The following HUWE1 variants were observed in gnomAD, a reference collection of about 807,000 sequenced individuals.
HUWE1 encodes E3 ubiquitin-protein ligase HUWE1.
In HUWE1, 18 loss-of-function variants were observed where a neutral mutation model predicts 299.4. The ratio of observed to expected loss-of-function variants is 0.06; its 90% CI spans 0.04 to 0.09. The LOEUF (loss-of-function observed/expected upper bound fraction) is 0.09, where lower values mean the gene tolerates loss of function less well. Ranked by LOEUF, HUWE1 falls within the 10% of genes least tolerant of loss-of-function variation. HUWE1 has a pLI of 1.00. For missense variants in HUWE1, 1,832 were observed against 3,462.3 expected (o/e 0.53, Z 11.82); for synonymous variants, 1,317 against 1,286.1 (o/e 1.02, Z -0.51).
intron 75 of HUWE1, 61 bp downstream of exon 75, chrX:53,539,596 G>A (rs1807136417): frequency 8.9e-7 from 1 of 1,122,692 alleles, no homozygotes; most frequent in Admixed American, 2.2e-5. Context: ...AAACAAGCTG[G>A]CAGGAAGGGC....
At chrX:53,589,934 C>T (rs1357407269) in intron 35 of HUWE1, 118 bp from the exon 36 acceptor site, 16 of 778,528 alleles carry the variant, frequency 2.1e-5, no homozygotes, top group Admixed American at 1.3e-4. Context: ...TCTCCTCAAG[C>T]GGTTGATACT....
At chrX:53,608,268 C>A (rs782452582) in intron 24 of HUWE1, among the ~76,000 whole-genome samples, 1 of 111,545 alleles carries the variant, frequency 9.0e-6, no homozygotes, top group Non-Finnish European at 1.9e-5. Flanking sequence ...GAGGTCTCTC[C>A]CTTATTGGTA....
At position 53,646,536 on chromosome X, in the gene HUWE1, T is replaced by C. The variant is rs183888438; in HGVS notation, c.351+832A>G. Among the ~76,000 whole-genome samples, 6 of 111,884 alleles carry C rather than the reference T, an allele frequency of 5.4e-5. No individual in the cohort carries two copies. In the East Asian group the frequency reaches 1.7e-3, roughly 31 times the overall value. ...TCAGAATTAAAATCAGTATGTAATA[T>C]AGCTAGAAATGAACCAAGGCATTTC... On this transcript the variant is annotated intron_variant, in intron 6 of 83. Coordinates refer to ENST00000262854, the MANE Select transcript of HUWE1 (RefSeq NM_031407.7).
intron 12 of HUWE1, among the ~76,000 whole-genome samples, chrX:53,630,250 A>G (rs1457279034): frequency 8.9e-6 from 1 of 112,443 alleles, no homozygotes; most frequent in East Asian, 2.8e-4. Context: ...TTTCACGCCA[A>G]GAAACTCATA....
At chrX:53,632,785 G>C (rs1210863458) in intron 8 of HUWE1, among the ~76,000 whole-genome samples, 3 of 112,058 alleles carry the variant, frequency 2.7e-5, no homozygotes, top group African/African-American at 9.7e-5. Flanking sequence ...AGAGCCCAGA[G>C]CTCCCAAACC....
At chrX:53,645,184 T>C in intron 7 of HUWE1, 127 bp downstream of exon 7, 1 of 673,074 alleles carries the variant, frequency 1.5e-6, no homozygotes, top group African/African-American at 2.1e-5. Context: ...CCAATAGTTC[T>C]AACTCAATTA....
At chrX:53,616,436 A>C (rs1392357968) in intron 21 of HUWE1, among the ~76,000 whole-genome samples, 1 of 112,057 alleles carries the variant, frequency 8.9e-6, no homozygotes, top group Non-Finnish European at 1.9e-5. Flanking sequence ...AAAGATGTAC[A>C]AACCATTAAC....
chrX:53,612,665 A>C, intron 23 of HUWE1, among the ~76,000 whole-genome samples: 2 of 112,099 alleles, frequency 1.8e-5, no homozygotes, highest in Middle Eastern at 9.2e-3. Context: ...TTGGGAGAAC[A>C]CAAGATTGAG....
rs782647674 is a variant in HUWE1, at chrX:53,562,210, C to T, written c.7239G>A (p.Glu2413=). The T allele has an allele frequency of 1.7e-6, 2 of 1,201,868 alleles. No homozygotes were observed. The highest frequency in any genetic ancestry group is 3.5e-5 in the African/African-American group (2 of 56,963). The change falls in exon 54 of 84, where the codon GAG becomes GAA. Residue 2413 remains glutamate, a synonymous_variant. Transcript: ENST00000262854. The stretch of plus-strand genomic sequence containing the variant: ...TGCTGTCCTCTTCCTGAGTGTGCTC[C>T]TCCTCATCCTCAGGGTCCAGGATAT... ...SMNILDPEDE[E]EHTQEEDSSG...
chrX:53,659,084 A>G (rs782535629), intron 3 of HUWE1, among the ~76,000 whole-genome samples: 1 of 112,987 alleles, frequency 8.9e-6, no homozygotes, highest in Non-Finnish European at 1.9e-5. Flanking sequence ...CAAGTGGAAC[A>G]TTCATTCATT....
chrX:53,592,761 G>A, intron 32 of HUWE1, 133 bp from the exon 33 acceptor site: 1 of 513,044 alleles, frequency 1.9e-6, no homozygotes, highest in Non-Finnish European at 3.4e-6. Flanking sequence ...AACATGAGGA[G>A]GTCTAAGGAG....
In HUWE1 at chrX:53,563,748, A is replaced by G. The variant is rs1386685480; in HGVS notation, c.7103T>C (p.Ile2368Thr). 1.7e-6 allele frequency: 2 copies of G among 1,210,903 alleles called. No homozygotes were observed. The highest frequency in any genetic ancestry group is 2.2e-6 in the Non-Finnish European group (2 of 895,100). ...ATACTCAGTTCTGGGGCTCTCACCT[A>G]TAATTGTACTGTTCCCAGATCCGCC... Reference protein sequence around the residue: ...RDGGSGNSTIIVSRSGEDESQ... With the variant: ...RDGGSGNSTITVSRSGEDESQ... Residue 2368 changes from isoleucine to threonine, a missense_variant and splice_region_variant, in exon 52 of 84, where the codon ATA becomes ACA. By Grantham distance (89) the Ile-to-Thr change is moderately conservative. This residue lies in a region of HUWE1 where 170 missense variants were observed against 335.8 expected (regional missense o/e 0.51). Transcript: ENST00000262854.
rs184393650 is a variant in HUWE1 at position 53,556,750 on chromosome X, A to G, written c.8206+632T>C. On this transcript the variant is annotated intron_variant, in intron 60 of 83. Transcript: ENST00000262854. ...GGACCAATAAAATTTAATTAAAAAA[A>G]GAACAAAAAGTAGAGACTAATGTAG... is the stretch of plus-strand genomic sequence containing the variant. Among the ~76,000 whole-genome samples the G allele has an allele frequency of 3.2e-4, 36 of 112,288 alleles. No individual in the cohort carries two copies. In the East Asian group the frequency reaches 3.3e-3, roughly 10 times the overall value.
At position 53,604,769 on chromosome X, in the gene HUWE1, G is replaced by A; in HGVS notation, c.2562C>T (p.Ser854=). The A allele has an allele frequency of 1.7e-6, 2 of 1,210,437 alleles. No individual in the cohort carries two copies. The highest frequency in any genetic ancestry group is 5.9e-5 in the East Asian group (2 of 33,853). Residue 854 remains serine (S), a synonymous_variant, in exon 26 of 84, where the codon TCC becomes TCT. Transcript: ENST00000262854. Reference sequence around the variant, plus strand: ...CAATGGGGCGGTGTAAGGGCTCCAGGGAGGAGAGGATGGAGTCCAACTGAA... The same window carrying A: ...CAATGGGGCGGTGTAAGGGCTCCAGAGAGGAGAGGATGGAGTCCAACTGAA... ...GLLQLDSILS[S]LEPLHRPIES...
At chrX:53,566,817 T>A (rs2062599376) in intron 49 of HUWE1, among the ~76,000 whole-genome samples, 1 of 111,397 alleles carries the variant, frequency 9.0e-6, no homozygotes, top group East Asian at 2.8e-4. Context: ...CCAAAAATGT[T>A]TAACCTGACC....
At chrX:53,538,802 T>C (rs1556915727) in intron 76 of HUWE1, 33 bp downstream of exon 76, 2 of 1,180,746 alleles carry the variant, frequency 1.7e-6, no homozygotes, top group Non-Finnish European at 2.3e-6. Context: ...AAATGAAGCC[T>C]TCTACACCTG....
In HUWE1 at chrX:53,576,880, G is replaced by T. The variant is rs782538567; in HGVS notation, c.5884+20C>A. 1 of 1,206,210 alleles carries T rather than the reference G, an allele frequency of 8.3e-7. No individual in the cohort carries two copies. Among genetic ancestry groups the T allele is most frequent in the East Asian group, 3.0e-5 (1 of 33,820 alleles). On this transcript the variant is annotated intron_variant, in intron 44 of 83. Transcript: ENST00000262854. ...CATATCCTCTAGTGCCCAGCCTCCT[G>T]AGGTAGGCTAGCCACATACCTTCCT...
At chrX:53,581,452 T>C (rs782287664) in intron 42 of HUWE1, among the ~76,000 whole-genome samples, 1 of 112,507 alleles carries the variant, frequency 8.9e-6, no homozygotes, top group Non-Finnish European at 1.9e-5. Flanking sequence ...GAGATAATGA[T>C]AGCCACTGGA....
At chrX:53,672,216 A>C (rs1162942721) in intron 3 of HUWE1, among the ~76,000 whole-genome samples, 1 of 110,365 alleles carries the variant, frequency 9.1e-6, no homozygotes, top group Non-Finnish European at 1.9e-5. Flanking sequence ...AAGAAAAAAT[A>C]AACTCCCTAG....
Sources: allele counts gnomAD v4.1 joint callset (sites outside exome capture counted in the v4.1 genomes callset), GRCh38; gene constraint gnomAD v4.1.1; regional missense constraint gnomAD v4.1.1; transcripts MANE v1.5; gene names NCBI Gene and HGNC (gene_info 2026-07-23, HGNC 2026-07-21).